Variants in SCLT1 observed in about 807,000 individuals in gnomAD.
SCLT1 encodes the protein sodium channel-associated protein 1.
Under a neutral mutation model 112.8 loss-of-function variants are expected in SCLT1, and 78 were observed. The observed-to-expected ratio is 0.69, with a 90% CI of 0.58 to 0.83. The LOEUF is 0.83. Ranked by LOEUF, SCLT1 falls within the 40% of genes least tolerant of loss-of-function variation. SCLT1 has a pLI of 0.00. For synonymous variants in SCLT1, 257 were observed against 254.7 expected (o/e 1.01, Z -0.09); for missense variants, 747 against 770.4 (o/e 0.97, Z 0.36).
chr4:128,917,160 C>G (rs774947077), intron 18 of SCLT1, among the ~76,000 whole-genome samples: 27 of 152,072 alleles, frequency 1.8e-4, no homozygotes, highest in Admixed American at 4.6e-4. Flanking sequence ...CCCCCTTCAC[C>G]TTCTACCTCG....
chr4:129,084,958 T>A (rs971862822), intron 1 of SCLT1, among the ~76,000 whole-genome samples: 1 of 151,668 alleles, frequency 6.6e-6, no homozygotes, highest in Non-Finnish European at 1.5e-5. Flanking sequence ...GACACAGGAG[T>A]AGGCAAAGGT....
intron 2 of SCLT1, among the ~76,000 whole-genome samples, chr4:129,067,485 ATAGTT>A (rs1750595857): frequency 6.6e-6 from 1 of 151,790 alleles, no homozygotes; most frequent in Non-Finnish European, 1.5e-5. Flanking sequence ...ACTACTAACA[ATAGTT>A]TATACTTTAA....
At chr4:128,985,886 C>T (rs1257922276) in intron 9 of SCLT1, among the ~76,000 whole-genome samples, 4 of 151,996 alleles carry the variant, frequency 2.6e-5, no homozygotes, top group Non-Finnish European at 4.4e-5. Context: ...GCCTAAATCT[C>T]GATTAAGAAA....
chr4:129,071,958 T>C (rs1751050990), intron 2 of SCLT1, among the ~76,000 whole-genome samples: 1 of 152,120 alleles, frequency 6.6e-6, no homozygotes, highest in South Asian at 2.1e-4. Context: ...TGCTTCCAAG[T>C]TTTGGTTCTA....
In SCLT1 at chr4:128,946,155, G is replaced by A. The variant is rs759226588; in HGVS notation, c.1294-3C>T. ...TTTCCTCTGCCTTCACGGTAAATCT[G>A]CAGAAAAGGCTTATTAGGTATATAA... On this transcript the variant is annotated splice_polypyrimidine_tract_variant and splice_region_variant and intron_variant, in intron 15 of 20. Coordinates refer to ENST00000281142, the MANE Select transcript of SCLT1 (RefSeq NM_144643.4). 1 of 1,591,322 alleles carries A rather than the reference G, an allele frequency of 6.3e-7. No homozygotes were observed. The highest frequency in any genetic ancestry group is 1.7e-5 in the Admixed American group (1 of 59,582).
chr4:129,065,481 T>C (rs1186657193), intron 2 of SCLT1, among the ~76,000 whole-genome samples: 1 of 152,096 alleles, frequency 6.6e-6, no homozygotes, highest in Non-Finnish European at 1.5e-5. Context: ...CCATAAATAT[T>C]TGACTTTGTC....
chr4:128,990,844 TAAAAC>T (rs781079719), intron 9 of SCLT1, among the ~76,000 whole-genome samples: 3 of 133,218 alleles, frequency 2.3e-5, no homozygotes, highest in African/African-American at 8.3e-5. Context: ...TAGCTACAAA[TAAAAC>T]AAAATACTCA....
intron 20 of SCLT1, among the ~76,000 whole-genome samples, chr4:128,887,385 T>A (rs1022327946): frequency 2.0e-5 from 3 of 152,178 alleles, no homozygotes; most frequent in Non-Finnish European, 4.4e-5. Flanking sequence ...TGGCATGCCA[T>A]GTTCATAACA....
Position 129,080,755 on chromosome 4 carries a change from C to T in SCLT1, c.102+1551G>A, listed in dbSNP as rs78060752. Among the ~76,000 whole-genome samples, 1,457 of 152,300 alleles carry T rather than the reference C, an allele frequency of 9.6e-3. 17 individuals carry two copies. The highest frequency in any genetic ancestry group is 0.028 in the African/African-American group (1,168 of 41,560). On this transcript the variant is annotated intron_variant, in intron 2 of 20. Transcript: ENST00000281142. ...ATTTTCAGGTATCTTTATACCAATG[C>T]CCATTCACTGGTACAAATTTTCTAT...
chr4:129,008,805 C>T (rs926261240), intron 5 of SCLT1, among the ~76,000 whole-genome samples: 1 of 152,138 alleles, frequency 6.6e-6, no homozygotes, highest in Non-Finnish European at 1.5e-5. Flanking sequence ...CTGATCCTCT[C>T]CCTCCTCCCA....
chr4:129,056,475 A>G (rs557063246), intron 2 of SCLT1, among the ~76,000 whole-genome samples: 8 of 152,324 alleles, frequency 5.3e-5, no homozygotes, highest in African/African-American at 1.9e-4. Flanking sequence ...ATCCATGAAC[A>G]TGGTATGTAT....
chr4:129,068,261 G>T (rs750031626), intron 2 of SCLT1, among the ~76,000 whole-genome samples: 3 of 152,058 alleles, frequency 2.0e-5, no homozygotes, highest in Admixed American at 6.6e-5. Context: ...TGGATCAAAT[G>T]GTAGTCCTAC....
chr4:128,995,412 C>T (rs1325750019), intron 8 of SCLT1, among the ~76,000 whole-genome samples: 1 of 152,128 alleles, frequency 6.6e-6, no homozygotes, highest in Non-Finnish European at 1.5e-5. Flanking sequence ...AATTCCCTAT[C>T]AGGTAATTCA....
chr4:129,054,324 G>A (rs774021702), intron 2 of SCLT1, among the ~76,000 whole-genome samples: 1 of 152,082 alleles, frequency 6.6e-6, no homozygotes, highest in Non-Finnish European at 1.5e-5. Flanking sequence ...AGTTCTCCTG[G>A]ATAATATCCT....
intron 5 of SCLT1, among the ~76,000 whole-genome samples, chr4:129,031,081 G>A (rs888092554): frequency 4.6e-5 from 7 of 152,090 alleles, no homozygotes; most frequent in South Asian, 2.1e-4. Context: ...CTAGCAAACC[G>A]AATCCAGCAG....
chr4:128,939,457 C>T (rs927490980), intron 17 of SCLT1, among the ~76,000 whole-genome samples: 1 of 152,164 alleles, frequency 6.6e-6, no homozygotes, highest in Non-Finnish European at 1.5e-5. Context: ...AGGGCCACAA[C>T]AACTGATCTC....
At chr4:129,025,314 C>A (rs1745942458) in intron 5 of SCLT1, among the ~76,000 whole-genome samples, 1 of 152,130 alleles carries the variant, frequency 6.6e-6, no homozygotes, top group Non-Finnish European at 1.5e-5. Flanking sequence ...GTCGGGTTAC[C>A]CACAAAGGGA....
At chr4:128,911,208 G>A (rs1208980440) in intron 18 of SCLT1, among the ~76,000 whole-genome samples, 1 of 152,252 alleles carries the variant, frequency 6.6e-6, no homozygotes, top group East Asian at 1.9e-4. Flanking sequence ...GGAGGTTGCA[G>A]TGAGCCAAGG....
At chr4:128,906,386 G>C (rs1395355541) in intron 18 of SCLT1, among the ~76,000 whole-genome samples, 1 of 152,032 alleles carries the variant, frequency 6.6e-6, no homozygotes, top group African/African-American at 2.4e-5. Context: ...TTTTAGTAGA[G>C]ACGGGGTGTC....
Sources: gnomAD v4.1 joint callset for allele counts (sites outside exome capture counted in the v4.1 genomes callset) on GRCh38, gnomAD v4.1.1 for gene constraint, MANE v1.5 for transcripts, NCBI Gene and HGNC (gene_info 2026-07-23, HGNC 2026-07-21) for gene names.